PSMC6: variants seen among roughly 807,000 people sequenced by gnomAD.
PSMC6 encodes proteasome 26S subunit, ATPase 6.
A neutral mutation model predicts 55.9 loss-of-function variants in PSMC6; 3 were observed. That is an observed-to-expected ratio of 0.05 (90% CI 0.02 to 0.14). PSMC6 has a LOEUF of 0.14. Among genes scored for constraint, PSMC6 ranks in the 10% least tolerant of loss-of-function variants. The pLI is 1.00. For synonymous variants in PSMC6, 137 were observed against 155.9 expected (o/e 0.88, Z 0.90); for missense variants, 210 against 478.7 (o/e 0.44, Z 5.24).
intron 1 of PSMC6, among the ~76,000 whole-genome samples, chr14:52,707,695 G>A (rs2041718911): frequency 6.6e-6 from 1 of 152,162 alleles, no homozygotes; most frequent in East Asian, 1.9e-4. Context: ...GAGTCGGCTT[G>A]TTCTTGGAGT....
intron 4 of PSMC6, 134 bp from the exon 5 acceptor site, chr14:52,710,967 A>G: frequency 8.6e-6 from 6 of 698,698 alleles, no homozygotes; most frequent in Non-Finnish European, 1.5e-5. Flanking sequence ...TTGTTAGCAT[A>G]GAGTTTATAA....
chr14:52,724,161 G>C (rs1880313640), intron 13 of PSMC6, 125 bp downstream of exon 13: 1 of 812,128 alleles, frequency 1.2e-6, no homozygotes, highest in African/African-American at 1.8e-5. Context: ...GTTCTTTTAG[G>C]AATCGATTCC....
intron 7 of PSMC6, 105 bp from the exon 8 acceptor site, chr14:52,717,976 T>G (rs1477861329): frequency 9.6e-7 from 1 of 1,043,972 alleles, no homozygotes; most frequent in Non-Finnish European, 1.5e-6. Context: ...TGCAGTGAGC[T>G]GTGATCTCGC....
rs1880508447 is a variant in PSMC6, at chr14:52,728,387, C to A, written c.*770C>A. 6.6e-6 allele frequency: 1 copy of A among 152,174 alleles called. No homozygotes were observed. Among genetic ancestry groups the A allele is most frequent in the Admixed American group, 6.5e-5 (1 of 15,274 alleles). 9.4% of individuals were successfully genotyped at this position (152,174 alleles called of 1,614,324 possible). On this transcript the variant is annotated 3_prime_UTR_variant, in exon 14 of 14. Coordinates refer to ENST00000445930, the MANE Select transcript of PSMC6 (RefSeq NM_002806.5). ...TCTGGACCCTCTTCCAGGAAAAATTCTAACATACAATTTTGCGTATACTAT... is the reference window on the plus strand; with the variant it reads ...TCTGGACCCTCTTCCAGGAAAAATTATAACATACAATTTTGCGTATACTAT...
rs77074605 is a variant in PSMC6, at chr14:52,713,955, A to G, written c.516A>G (p.Leu172=). 7,175 of 1,578,556 alleles carry G rather than the reference A, an allele frequency of 4.5e-3. 62 individuals are homozygous for G. The highest frequency in any genetic ancestry group is 0.041 in the East Asian group (1,795 of 44,212). The change falls in exon 7 of 14, where the codon TTA becomes TTG. Residue 172 remains leucine, a synonymous_variant. Transcript: ENST00000445930. ...VGIIPPKGCL[L]YGPPGTGKTL... is the part of the protein sequence containing the mutation. ...TAATACCTCCAAAAGGCTGTTTGTT[A>G]TATGGACCACCAGGTTGGTATTGAA...
intron 13 of PSMC6, among the ~76,000 whole-genome samples, chr14:52,724,691 A>G (rs937047296): frequency 1.3e-5 from 2 of 152,196 alleles, no homozygotes; most frequent in Admixed American, 6.5e-5. Flanking sequence ...TCACTTCTAC[A>G]TGGTATGTAA....
chr14:52,720,832 T>C, intron 10 of PSMC6, 29 bp from the exon 11 acceptor site: 1 of 1,552,938 alleles, frequency 6.4e-7, no homozygotes. Flanking sequence ...GTTAGAATTT[T>C]TGTAAAATCT....
intron 3 of PSMC6, 49 bp downstream of exon 3, chr14:52,708,571 C>T: frequency 1.3e-6 from 2 of 1,578,268 alleles, no homozygotes; most frequent in South Asian, 1.1e-5. Context: ...GTCCACCTCT[C>T]TCTCACTTTT....
chr14:52,717,233 C>A (rs1454639700), intron 7 of PSMC6, among the ~76,000 whole-genome samples: 1 of 151,748 alleles, frequency 6.6e-6, no homozygotes, highest in African/African-American at 2.4e-5. Flanking sequence ...CATAATTTAA[C>A]CCATAAATAT....
In PSMC6 at chr14:52,721,118, T is replaced by G. The variant is rs772049323; in HGVS notation, c.907T>G (p.Leu303Val). The G allele has an allele frequency of 6.3e-7, 1 of 1,593,656 alleles. No individual in the cohort carries two copies. Among genetic ancestry groups the G allele is most frequent in the Non-Finnish European group, 8.5e-7 (1 of 1,173,482 alleles). ...GRLDRKIHID[L>V]PNEQARLDIL... The stretch of plus-strand genomic sequence containing the variant: ...TAATTTTTTATTTTCAGATATTGAT[T>G]TGCCAAATGAACAAGCAAGATTAGA... The change falls in exon 12 of 14, where the codon TTG (leucine) becomes GTG (valine). Residue 303 changes from leucine (L) to valine (V), a missense_variant. Leu to Val is a conservative substitution (Grantham distance 32). This residue lies in a region of PSMC6 where 79 missense variants were observed against 158.7 expected (regional missense o/e 0.50). Transcript: ENST00000445930.
intron 5 of PSMC6, 69 bp downstream of exon 5, chr14:52,711,237 C>T (rs1594847814): frequency 7.0e-7 from 1 of 1,429,564 alleles, no homozygotes; most frequent in South Asian, 1.2e-5. Flanking sequence ...GAGATATATG[C>T]TTCTTGAGAT....
chr14:52,707,328 T>C (rs1415561970), intron 1 of PSMC6, 24 bp downstream of exon 1: 2 of 1,613,304 alleles, frequency 1.2e-6, no homozygotes, highest in South Asian at 1.1e-5. Flanking sequence ...TCTTTCCATT[T>C]AATCAAGTGC....
intron 1 of PSMC6, among the ~76,000 whole-genome samples, 175 bp from the exon 2 acceptor site, chr14:52,708,134 T>C (rs1428678240): frequency 6.6e-6 from 1 of 152,222 alleles, no homozygotes; most frequent in Non-Finnish European, 1.5e-5. Flanking sequence ...CATTTTGTTG[T>C]TATACATGCC....
chr14:52,717,771 A>G (rs1259373941), intron 7 of PSMC6, among the ~76,000 whole-genome samples: 1 of 152,038 alleles, frequency 6.6e-6, no homozygotes, highest in African/African-American at 2.4e-5. Flanking sequence ...TAATCCCAGC[A>G]CTTTGGGAGG....
At chr14:52,724,838 G>A (rs1005412105) in intron 13 of PSMC6, among the ~76,000 whole-genome samples, 2 of 152,080 alleles carry the variant, frequency 1.3e-5, no homozygotes, top group African/African-American at 4.8e-5. Flanking sequence ...TGACTTTATA[G>A]GTTATAGATT....
chr14:52,718,883 G>A, intron 9 of PSMC6, 94 bp from the exon 10 acceptor site: 4 of 964,394 alleles, frequency 4.1e-6, no homozygotes, highest in Non-Finnish European at 6.4e-6. Flanking sequence ...TCATCTTAAT[G>A]TTTTAAGCCA....
In PSMC6 at chr14:52,708,783, T is replaced by C. The variant is rs2041732801; in HGVS notation, c.225T>C (p.Asn75=). ...TEEKFIVKAT[N]GPRYVVGCRR... ...TTCTAGTCATTGTTAAAGCTACCAA[T>C]GGACCAAGATATGTTGTGGGTTGTC... Residue 75 remains asparagine, a synonymous_variant, in exon 4 of 14, where the codon AAT becomes AAC. Transcript: ENST00000445930. 2 of 1,613,548 alleles carry C rather than the reference T, an allele frequency of 1.2e-6. No homozygotes were observed. Among genetic ancestry groups the C allele is most frequent in the South Asian group, 2.2e-5 (2 of 90,962 alleles).
chr14:52,710,988 G>T, intron 4 of PSMC6, 113 bp from the exon 5 acceptor site: 16 of 850,968 alleles, frequency 1.9e-5, no homozygotes, highest in Non-Finnish European at 9.4e-6. Context: ...TCTGATATTT[G>T]TGTTCTCTCT....
chr14:52,720,658 A>G (rs2041881223), intron 10 of PSMC6, among the ~76,000 whole-genome samples: 1 of 152,238 alleles, frequency 6.6e-6, no homozygotes, highest in Non-Finnish European at 1.5e-5. Context: ...TAAAAGGTAC[A>G]TAATCTAGCT....
Sources: gnomAD v4.1 joint callset for allele counts (sites outside exome capture counted in the v4.1 genomes callset) on GRCh38, gnomAD v4.1.1 for gene constraint, gnomAD v4.1.1 regional missense constraint, MANE v1.5 for transcripts, NCBI Gene and HGNC (gene_info 2026-07-23, HGNC 2026-07-21) for gene names.